Variants in FGD3 observed in about 807,000 individuals in gnomAD.
FGD3 encodes the protein FYVE, RhoGEF and PH domain-containing protein 3.
FGD3 carries 45 observed loss-of-function variants against 71.8 expected under a neutral mutation model. The observed-to-expected ratio is 0.63, with a 90% CI of 0.49 to 0.80. FGD3 has a LOEUF of 0.80. Among genes scored for constraint, FGD3 ranks in the 30% least tolerant of loss-of-function variants. The probability of loss-of-function intolerance (pLI) is 0.00; values close to 1 mark genes in which losing one functional copy is unlikely to be tolerated. For missense variants in FGD3, 844 were observed against 951.5 expected, an observed-to-expected ratio of 0.89 and a Z score of 1.49; for synonymous variants, 378 against 392.8, an observed-to-expected ratio of 0.96 and a Z score of 0.44.
chr9:93,011,282 G>C lies in FGD3; in HGVS notation c.1035+10G>C, dbSNP rs1378428010. 1 of 1,614,006 alleles carries C rather than the reference G, an allele frequency of 6.2e-7. No individual in the cohort carries two copies. On this transcript the variant is annotated intron_variant, in intron 8 of 17. Coordinates refer to ENST00000375482, the MANE Select transcript of FGD3 (RefSeq NM_001083536.2). The stretch of plus-strand genomic sequence containing the variant: ...TGCCATTCGGAAAGTGGTGAGTGTG[G>C]GGCTCCAGTGGCGACCGGCAGGGTG...
chr9:93,021,713 G>A (rs1430153984), intron 13 of FGD3, among the ~76,000 whole-genome samples: 1 of 152,108 alleles, frequency 6.6e-6, no homozygotes, highest in Non-Finnish European at 1.5e-5. Flanking sequence ...CCACCTCCAG[G>A]GGTCTGCCTG....
rs952236386 is a variant in FGD3, at chr9:93,002,863, G to A, written c.454-62G>A. 4.6e-5 allele frequency: 71 copies of A among 1,547,790 alleles called. No individual in the cohort carries two copies. The African/African-American group carries it at 4.9e-4, about 11-fold the overall frequency. On this transcript the variant is annotated intron_variant, in intron 3 of 17. Transcript: ENST00000375482. ...GTTCTCCTGCACACAGTGGCAGCCCGTTAGGTGCCGATTCCCCAAGGCTCA... is the reference window on the plus strand; with the variant it reads ...GTTCTCCTGCACACAGTGGCAGCCCATTAGGTGCCGATTCCCCAAGGCTCA...
At chr9:92,981,106 C>T (rs527277533) in intron 3 of FGD3, among the ~76,000 whole-genome samples, 3 of 152,110 alleles carry the variant, frequency 2.0e-5, no homozygotes, top group South Asian at 2.1e-4. Context: ...TGGTGGCTCA[C>T]GCCTGTAATC....
At position 93,034,691 on chromosome 9, in the gene FGD3, C is replaced by T. The variant is rs1293500331; in HGVS notation, c.1926+10C>T. 6.2e-7 allele frequency: 1 copy of T among 1,610,494 alleles called. No individual in the cohort carries two copies. The highest frequency in any genetic ancestry group is 8.5e-7 in the Non-Finnish European group (1 of 1,178,654). On this transcript the variant is annotated intron_variant, in intron 17 of 17. Coordinates refer to ENST00000375482, the MANE Select transcript of FGD3 (RefSeq NM_001083536.2). The stretch of plus-strand genomic sequence containing the variant: ...GCAGGGAGGCAGCCAGGTACGTGTC[C>T]CCACCCCACCAGGCCCTCAGGCCAG...
At chr9:93,033,154 G>A in intron 16 of FGD3, 3 of 489,096 alleles carry the variant, frequency 6.1e-6, no homozygotes, top group Non-Finnish European at 1.1e-5. Flanking sequence ...CCTGGTTGGA[G>A]GGCATGGATT....
chr9:92,988,648 G>A (rs1036772468), intron 3 of FGD3, among the ~76,000 whole-genome samples: 4 of 152,172 alleles, frequency 2.6e-5, no homozygotes, highest in Non-Finnish European at 5.9e-5. Context: ...AGTACTTACT[G>A]TAAATCTTAA....
intron 3 of FGD3, among the ~76,000 whole-genome samples, chr9:92,983,962 T>A (rs1390917306): frequency 6.6e-6 from 1 of 152,264 alleles, no homozygotes; most frequent in Admixed American, 6.5e-5. Flanking sequence ...AAGTACACGT[T>A]ACACTGTTAA....
At chr9:92,960,537 C>T (rs1859150476) in intron 1 of FGD3, among the ~76,000 whole-genome samples, 1 of 152,160 alleles carries the variant, frequency 6.6e-6, no homozygotes, top group African/African-American at 2.4e-5. Context: ...TACTAGACGT[C>T]AGATGGACAC....
chr9:92,957,564 T>A (rs763817577), intron 1 of FGD3, among the ~76,000 whole-genome samples: 11 of 152,216 alleles, frequency 7.2e-5, no homozygotes, highest in Non-Finnish European at 1.3e-4. Context: ...TTTGTCTTTT[T>A]TTTTCATTGA....
rs533462758 is a variant in FGD3 at position 92,965,118 on chromosome 9, C to T, written c.-217-10120C>T. Reference sequence around the variant, plus strand: ...TCCCAGCGGCAGTGGCGGCACAACCCGATGCCACCGTGATTGTGCCCACTG... The same window carrying T: ...TCCCAGCGGCAGTGGCGGCACAACCTGATGCCACCGTGATTGTGCCCACTG... On this transcript the variant is annotated intron_variant, in intron 1 of 17. Transcript: ENST00000375482. Among the ~76,000 whole-genome samples, 6 of 152,296 alleles carry T rather than the reference C, an allele frequency of 3.9e-5. No homozygotes were observed. The South Asian group carries it at 1.0e-3, about 26-fold the overall frequency.
intron 3 of FGD3, among the ~76,000 whole-genome samples, chr9:92,977,845 C>G (rs954493159): frequency 6.6e-6 from 1 of 152,118 alleles, no homozygotes; most frequent in African/African-American, 2.4e-5. Flanking sequence ...TGATTCTACT[C>G]CCTCACTTTT....
intron 3 of FGD3, among the ~76,000 whole-genome samples, chr9:92,992,512 G>A (rs1860453855): frequency 6.6e-6 from 1 of 152,170 alleles, no homozygotes. Context: ...TTGAGCTCCT[G>A]GGTTGGAGTG....
chr9:93,013,737 A>T (rs1415241026), intron 8 of FGD3, 115 bp from the exon 9 acceptor site: 4 of 1,306,010 alleles, frequency 3.1e-6, no homozygotes, highest in Non-Finnish European at 3.3e-6. Flanking sequence ...CCTTGTCAGT[A>T]GCTCATTGCC....
Position 92,976,712 on chromosome 9 carries a change from A to G in FGD3, c.453+3A>G. On this transcript the variant is annotated splice_donor_region_variant and intron_variant, in intron 3 of 17. Transcript: ENST00000375482. Reference sequence around the variant, plus strand: ...ACAAGGATGCCGGCCTGGCCCAGGTAGGCTTCCCCTTCTCTGTCCCCGCTG... The same window carrying G: ...ACAAGGATGCCGGCCTGGCCCAGGTGGGCTTCCCCTTCTCTGTCCCCGCTG... The G allele has an allele frequency of 6.4e-7, 1 of 1,565,414 alleles. No individual in the cohort carries two copies. The highest frequency in any genetic ancestry group is 8.7e-7 in the Non-Finnish European group (1 of 1,154,922).
Position 93,014,423 on chromosome 9 carries a change from G to C in FGD3, c.1182+425G>C, listed in dbSNP as rs542632341. On this transcript the variant is annotated intron_variant, in intron 9 of 17. Transcript: ENST00000375482. The stretch of plus-strand genomic sequence containing the variant: ...TGGAAGTGTAATTCGAGACCCCCCC[G>C]GGTGCCATGGCGCGGTAGAAACAGA... Among the ~76,000 whole-genome samples the C allele has an allele frequency of 5.3e-5, 8 of 152,086 alleles. No individual in the cohort carries two copies. The South Asian group carries it at 1.7e-3, about 32-fold the overall frequency.
At chr9:92,994,204 C>T (rs1860537867) in intron 3 of FGD3, among the ~76,000 whole-genome samples, 1 of 152,278 alleles carries the variant, frequency 6.6e-6, no homozygotes, top group South Asian at 2.1e-4. Context: ...ATTTGCATTT[C>T]TCTGATGGCC....
intron 15 of FGD3, 142 bp from the exon 16 acceptor site, chr9:93,032,627 C>A: frequency 1.3e-6 from 1 of 795,804 alleles, no homozygotes; most frequent in Non-Finnish European, 2.1e-6. Flanking sequence ...CAAGGAGAAG[C>A]TCTTATCCCT....
chr9:92,967,864 C>T (rs532079758), intron 1 of FGD3, among the ~76,000 whole-genome samples: 4 of 152,192 alleles, frequency 2.6e-5, no homozygotes, highest in African/African-American at 9.6e-5. Context: ...TGAGCCACTG[C>T]GCCCGGCCTC....
intron 11 of FGD3, among the ~76,000 whole-genome samples, chr9:93,019,346 T>C (rs1389732859): frequency 6.6e-6 from 1 of 152,218 alleles, no homozygotes; most frequent in East Asian, 1.9e-4. Flanking sequence ...GGACCTGCGC[T>C]CCTCCCGAAC....
Sources: gnomAD v4.1 joint callset for allele counts (sites outside exome capture counted in the v4.1 genomes callset) on GRCh38, gnomAD v4.1.1 for gene constraint, MANE v1.5 for transcripts, NCBI Gene and HGNC (gene_info 2026-07-23, HGNC 2026-07-21) for gene names.